Variants in EYS observed in about 807,000 individuals in gnomAD.
EYS encodes the protein EGF-like photoreceptor maintenance factor, also known as protein eyes shut homolog.
A neutral mutation model predicts 282.1 loss-of-function variants in EYS; 250 were observed. The ratio of observed to expected loss-of-function variants is 0.89; its 90% CI spans 0.80 to 0.98. The LOEUF (loss-of-function observed/expected upper bound fraction) is 0.98, where lower values mean the gene tolerates loss of function less well. EYS is among the 50% of genes least tolerant of loss of function. EYS has a pLI of 0.00. For synonymous variants in EYS, 1,355 were observed against 1,282.9 expected (o/e 1.06, Z -1.20); for missense variants, 4,016 against 3,709.0 (o/e 1.08, Z -2.15).
intron 2 of EYS, among the ~76,000 whole-genome samples, chr6:65,626,945 C>T (rs780637287): frequency 6.6e-6 from 1 of 151,358 alleles, no homozygotes; most frequent in Non-Finnish European, 1.5e-5. Flanking sequence ...TGTTAAAAAC[C>T]AATATATTTC....
At chr6:64,589,851 G>A (rs980795213) in intron 26 of EYS, among the ~76,000 whole-genome samples, 7 of 151,944 alleles carry the variant, frequency 4.6e-5, no homozygotes, top group Admixed American at 6.6e-5. Flanking sequence ...TGAAGATACC[G>A]TTAGAAAGAG....
chr6:64,972,650 G>A (rs1770334426), intron 14 of EYS, among the ~76,000 whole-genome samples: 1 of 151,926 alleles, frequency 6.6e-6, no homozygotes, highest in African/African-American at 2.4e-5. Flanking sequence ...TTACTTTATT[G>A]TAAGAATAGA....
At chr6:64,698,007 A>G (rs974683630) in intron 22 of EYS, among the ~76,000 whole-genome samples, 3 of 152,168 alleles carry the variant, frequency 2.0e-5, no homozygotes, top group African/African-American at 7.2e-5. Context: ...GAAATACAGC[A>G]GTATAAAACT....
intron 12 of EYS, among the ~76,000 whole-genome samples, chr6:65,156,740 A>G (rs1431416002): frequency 2.0e-5 from 3 of 150,994 alleles, no homozygotes; most frequent in Non-Finnish European, 4.5e-5. Flanking sequence ...GCTCTTTGGT[A>G]CTTAAACTTA....
intron 31 of EYS, among the ~76,000 whole-genome samples, chr6:64,125,923 T>A (rs1418506542): frequency 1.3e-5 from 2 of 152,006 alleles, no homozygotes; most frequent in Non-Finnish European, 2.9e-5. Context: ...CTTCTTTTTT[T>A]TTTTTTTATT....
chr6:65,265,099 G>C (rs1274285113), intron 12 of EYS, among the ~76,000 whole-genome samples: 1 of 151,942 alleles, frequency 6.6e-6, no homozygotes, highest in African/African-American at 2.4e-5. Context: ...TAGTTGCAGG[G>C]CAGAGGGAGA....
intron 5 of EYS, among the ~76,000 whole-genome samples, chr6:65,479,531 A>G (rs1406146894): frequency 6.6e-6 from 1 of 152,222 alleles, no homozygotes; most frequent in Non-Finnish European, 1.5e-5. Context: ...AACTAGACAT[A>G]CACACATATA....
At chr6:64,807,081 C>G (rs955013918) in intron 22 of EYS, among the ~76,000 whole-genome samples, 6 of 152,030 alleles carry the variant, frequency 3.9e-5, no homozygotes, top group African/African-American at 1.4e-4. Context: ...GTTAATAATA[C>G]TTATGGATTT....
chr6:65,332,188 G>T (rs1391952452), intron 11 of EYS: 2 of 507,080 alleles, frequency 3.9e-6, no homozygotes, highest in Non-Finnish European at 7.0e-6. Flanking sequence ...TATTTGTTGA[G>T]TGTTTGTTTC....
chr6:65,611,390 T>C (rs1260232182), intron 2 of EYS, among the ~76,000 whole-genome samples: 1 of 152,044 alleles, frequency 6.6e-6, no homozygotes, highest in Non-Finnish European at 1.5e-5. Flanking sequence ...GTATAAAGTA[T>C]ACCTTCAGTA....
intron 36 of EYS, among the ~76,000 whole-genome samples, chr6:63,811,815 A>C (rs991351258): frequency 6.6e-6 from 1 of 152,118 alleles, no homozygotes; most frequent in Non-Finnish European, 1.5e-5. Flanking sequence ...CTTTGCTCAG[A>C]GCAAAACTAG....
chr6:65,149,706 C>T (rs1396531595), intron 12 of EYS, among the ~76,000 whole-genome samples: 1 of 152,102 alleles, frequency 6.6e-6, no homozygotes, highest in Non-Finnish European at 1.5e-5. Flanking sequence ...TCTTCTGAGC[C>T]CTCCAAACTA....
At chr6:65,628,158 C>G (rs1220125239) in intron 2 of EYS, among the ~76,000 whole-genome samples, 1 of 151,600 alleles carries the variant, frequency 6.6e-6, no homozygotes, top group Non-Finnish European at 1.5e-5. Flanking sequence ...ACCTTTATGT[C>G]TAGCTCAGGG....
chr6:64,777,019 C>T (rs971675786), intron 22 of EYS, among the ~76,000 whole-genome samples: 4 of 152,150 alleles, frequency 2.6e-5, no homozygotes, highest in Non-Finnish European at 4.4e-5. Flanking sequence ...CACCTCTTCA[C>T]AGGAGAGCAG....
chr6:64,618,976 C>T (rs563461495), intron 23 of EYS, among the ~76,000 whole-genome samples: 189 of 152,124 alleles, frequency 1.2e-3, no homozygotes, highest in African/African-American at 4.3e-3. Flanking sequence ...TTATAAAATT[C>T]GAATGCATAT....
chr6:64,945,072 G>T (rs1198802142), intron 15 of EYS, among the ~76,000 whole-genome samples: 1 of 150,254 alleles, frequency 6.7e-6, no homozygotes, highest in East Asian at 2.0e-4. Context: ...GGCCGGTGCA[G>T]GTCCTTGGTA....
intron 15 of EYS, among the ~76,000 whole-genome samples, chr6:64,941,578 A>C (rs1166042259): frequency 1.3e-5 from 2 of 152,048 alleles, no homozygotes; most frequent in African/African-American, 4.8e-5. Flanking sequence ...CATAGTATCC[A>C]ACAGTCAGTT....
chr6:64,429,543 A>G (rs1774514414), intron 28 of EYS, among the ~76,000 whole-genome samples: 1 of 152,164 alleles, frequency 6.6e-6, no homozygotes, highest in African/African-American at 2.4e-5. Context: ...AGGAAGGAGA[A>G]TCGCTTAAAT....
At chr6:63,956,451 C>A (rs1765826194) in intron 35 of EYS, among the ~76,000 whole-genome samples, 1 of 152,138 alleles carries the variant, frequency 6.6e-6, no homozygotes. Flanking sequence ...CCACCTGCAC[C>A]CAGGTGATTA....
Sources: gnomAD v4.1 joint callset for allele counts (sites outside exome capture counted in the v4.1 genomes callset) on GRCh38, gnomAD v4.1.1 for gene constraint, MANE v1.5 for transcripts, NCBI Gene and HGNC (gene_info 2026-07-23, HGNC 2026-07-21) for gene names.